Variants in VAT1L observed in about 807,000 individuals in gnomAD.
The protein encoded by VAT1L is vesicle amine transport 1 like, also known as putative NADPH-dependent quinone oxidoreductase VAT1L.
VAT1L carries 34 observed loss-of-function variants against 44.1 expected under a neutral mutation model. The ratio of observed to expected loss-of-function variants is 0.77; its 90% CI spans 0.59 to 1.03. VAT1L has a LOEUF of 1.03. VAT1L is among the 50% of genes least tolerant of loss of function. The pLI is 0.00. For synonymous variants in VAT1L, 253 were observed against 202.2 expected, an observed-to-expected ratio of 1.25 and a Z score of -2.13; for missense variants, 615 against 538.8, an observed-to-expected ratio of 1.14 and a Z score of -1.40.
chr16:77,910,673 C>CAAAAAAAAAA (rs3038773), intron 7 of VAT1L, among the ~76,000 whole-genome samples: 4 of 82,962 alleles, frequency 4.8e-5, no homozygotes, highest in East Asian at 3.6e-4. Context: ...GACTCCTTCT[C>CAAAAAAAAAA]AAAAAAAAAA....
At chr16:77,906,131 T>C (rs2017434309) in intron 7 of VAT1L, among the ~76,000 whole-genome samples, 1 of 152,192 alleles carries the variant, frequency 6.6e-6, no homozygotes, top group African/African-American at 2.4e-5. Context: ...CCTTCTTTAT[T>C]CACTCATCAA....
intron 6 of VAT1L, among the ~76,000 whole-genome samples, chr16:77,880,059 G>A (rs1162670919): frequency 6.6e-5 from 10 of 152,058 alleles, no homozygotes; most frequent in East Asian, 1.9e-4. Context: ...TTAGTTTGTC[G>A]GCCATTGCAA....
intron 7 of VAT1L, among the ~76,000 whole-genome samples, chr16:77,970,438 G>C (rs549919086): frequency 2.0e-5 from 3 of 152,306 alleles, no homozygotes; most frequent in East Asian, 1.9e-4. Context: ...TATGGAGCTA[G>C]AGATTAAAAC....
chr16:77,933,829 A>G (rs770793610), intron 7 of VAT1L, among the ~76,000 whole-genome samples: 3 of 152,214 alleles, frequency 2.0e-5, no homozygotes, highest in Non-Finnish European at 4.4e-5. Context: ...GAGGTCAGAG[A>G]AGTAGTCAGA....
chr16:77,902,300 G>A (rs2017391240), intron 7 of VAT1L, among the ~76,000 whole-genome samples: 1 of 152,154 alleles, frequency 6.6e-6, no homozygotes, highest in Non-Finnish European at 1.5e-5. Flanking sequence ...ATCTGTATAT[G>A]TCAAGGGACA....
Position 77,879,149 on chromosome 16 carries a change from T to C in VAT1L, c.827-20T>C, listed in dbSNP as rs748221701. 6.2e-7 allele frequency: 1 copy of C among 1,613,830 alleles called. No homozygotes were observed. ...CATTTTCATTAGCAATTGCTTAATG[T>C]GGGAATCTTTCATTTTCAGGCTCAT... On this transcript the variant is annotated intron_variant, in intron 5 of 8. Coordinates refer to ENST00000302536, the MANE Select transcript of VAT1L (RefSeq NM_020927.3). The surrounding 1 kb of genome is among the most constrained non-coding windows in gnomAD (Gnocchi z 4.1).
rs547345455 is a variant in VAT1L, at chr16:77,865,871, C to G, written c.722+2981C>G. Among the ~76,000 whole-genome samples the G allele has an allele frequency of 1.0e-3, 155 of 152,246 alleles. 1 individual carries two copies. In the South Asian group the frequency reaches 0.018, roughly 18 times the overall value. The stretch of plus-strand genomic sequence containing the variant: ...AAAGTAATAGCCCATAACCAGAGAA[C>G]TCCTGCCTGCTCCATTTCCTCAGCA... On this transcript the variant is annotated intron_variant, in intron 4 of 8. Transcript: ENST00000302536.
intron 7 of VAT1L, among the ~76,000 whole-genome samples, chr16:77,955,092 A>G (rs1261095912): frequency 2.0e-5 from 3 of 152,178 alleles, no homozygotes; most frequent in African/African-American, 7.2e-5. Context: ...CGTTCTTGGG[A>G]AAGAGCAGAA....
intron 1 of VAT1L, among the ~76,000 whole-genome samples, chr16:77,805,225 C>A (rs1480656114): frequency 6.6e-6 from 1 of 152,204 alleles, no homozygotes; most frequent in African/African-American, 2.4e-5. Context: ...AAACAGTGTC[C>A]TTGCTTTGGT....
At chr16:77,859,007 T>A (rs1418348348) in intron 3 of VAT1L, among the ~76,000 whole-genome samples, 1 of 151,932 alleles carries the variant, frequency 6.6e-6, no homozygotes, top group East Asian at 1.9e-4. Flanking sequence ...TGGTGGCACA[T>A]GCCTGTAATC....
intron 3 of VAT1L, among the ~76,000 whole-genome samples, chr16:77,845,271 T>C (rs1217027816): frequency 1.3e-5 from 2 of 152,122 alleles, no homozygotes; most frequent in Non-Finnish European, 2.9e-5. Context: ...TTCAGGCAGG[T>C]TGCAAGAGCC....
chr16:77,790,941 TAC>T (rs548177355), intron 1 of VAT1L, among the ~76,000 whole-genome samples: 5 of 150,862 alleles, frequency 3.3e-5, no homozygotes, highest in Non-Finnish European at 4.4e-5. Context: ...TCAGTGGCGC[TAC>T]ACACACACAC....
chr16:77,885,056 AT>A (rs1447263395), intron 7 of VAT1L, among the ~76,000 whole-genome samples: 1 of 152,190 alleles, frequency 6.6e-6, no homozygotes, highest in Non-Finnish European at 1.5e-5. Flanking sequence ...AGGCCACCAA[AT>A]TTTGATCAAT....
At chr16:77,796,558 C>G (rs2015937059) in intron 1 of VAT1L, among the ~76,000 whole-genome samples, 1 of 152,354 alleles carries the variant, frequency 6.6e-6, no homozygotes, top group African/African-American at 2.4e-5. Context: ...TTCAACTTAT[C>G]TACTTCCTCA....
intron 7 of VAT1L, among the ~76,000 whole-genome samples, chr16:77,970,238 C>A (rs1002496239): frequency 1.3e-5 from 2 of 151,932 alleles, no homozygotes; most frequent in Non-Finnish European, 2.9e-5. Context: ...CCTGTCCCCC[C>A]AAAAATGTGT....
chr16:77,959,302 G>C (rs539301160), intron 7 of VAT1L, among the ~76,000 whole-genome samples: 3 of 152,112 alleles, frequency 2.0e-5, no homozygotes, highest in African/African-American at 7.2e-5. Context: ...TGGGGCTCAC[G>C]CACTTTAGAC....
rs1163627863 is a variant in VAT1L, at chr16:77,828,435, G to A, written c.579+2974G>A. Among the ~76,000 whole-genome samples, 6 of 152,140 alleles carry A rather than the reference G, an allele frequency of 3.9e-5. No homozygotes were observed. In the East Asian group the frequency reaches 5.8e-4, roughly 15 times the overall value. Reference sequence around the variant, plus strand: ...TCCCAGCACTTTGGGAGGCCAATGCGGGCGGATCACCTGAGGTCGGGAGTT... The same window carrying A: ...TCCCAGCACTTTGGGAGGCCAATGCAGGCGGATCACCTGAGGTCGGGAGTT... On this transcript the variant is annotated intron_variant, in intron 3 of 8. Coordinates refer to ENST00000302536, the MANE Select transcript of VAT1L (RefSeq NM_020927.3).
chr16:77,835,892 C>T (rs1025623647), intron 3 of VAT1L, among the ~76,000 whole-genome samples: 4 of 151,734 alleles, frequency 2.6e-5, no homozygotes, highest in Admixed American at 6.6e-5. Flanking sequence ...AAAAAAAATG[C>T]TGTTCATTTA....
chr16:77,911,827 C>T (rs79556268), intron 7 of VAT1L, among the ~76,000 whole-genome samples: 5 of 152,180 alleles, frequency 3.3e-5, no homozygotes, highest in African/African-American at 9.7e-5. Flanking sequence ...GCATAGAACT[C>T]GGGAGGATGA....
Sources: gnomAD v4.1 joint callset for allele counts (sites outside exome capture counted in the v4.1 genomes callset) on GRCh38, gnomAD v4.1.1 for gene constraint, Gnocchi (gnomAD v3.1) non-coding constraint, MANE v1.5 for transcripts, NCBI Gene and HGNC (gene_info 2026-07-23, HGNC 2026-07-21) for gene names.